CROCC: variants seen among roughly 807,000 people sequenced by gnomAD.
The protein encoded by CROCC is rootletin.
A neutral mutation model predicts 245.2 loss-of-function variants in CROCC; 180 were observed. That is an observed-to-expected ratio of 0.73 (90% CI 0.65 to 0.83). The LOEUF is 0.83. CROCC is among the 40% of genes least tolerant of loss of function. The pLI is 0.00. For missense variants in CROCC, 2,688 were observed against 2,779.4 expected (o/e 0.97, Z 0.74); for synonymous variants, 1,205 against 1,241.6 (o/e 0.97, Z 0.62).
In CROCC at chr1:16,944,050, C is replaced by G. The variant is rs552000602; in HGVS notation, c.1809-50C>G. The G allele has an allele frequency of 3.6e-4, 529 of 1,474,246 alleles. 3 individuals carry two copies. The highest frequency in any genetic ancestry group is 1.3e-3 in the Admixed American group (58 of 44,156). 91.3% of individuals were successfully genotyped at this position (1,474,246 alleles called of 1,614,324 possible). Reference sequence around the variant, plus strand: ...GAGGAGCAGCCAGCCACCTTCCCTGCAGAGAGCAGCCCCAGCATCCCCTCT... The same window carrying G: ...GAGGAGCAGCCAGCCACCTTCCCTGGAGAGAGCAGCCCCAGCATCCCCTCT... On this transcript the variant is annotated intron_variant, in intron 13 of 36. Coordinates refer to ENST00000375541, the MANE Select transcript of CROCC (RefSeq NM_014675.5).
At chr1:16,914,223 A>G (rs576540292) in intron 1 of CROCC, among the ~76,000 whole-genome samples, 31 of 152,092 alleles carry the variant, frequency 2.0e-4, no homozygotes, top group Admixed American at 9.2e-4. Flanking sequence ...GGCGGGCTGG[A>G]GCCACGTACC....
At chr1:16,944,361 T>C in intron 14 of CROCC, 79 bp downstream of exon 14, 1 of 1,399,342 alleles carries the variant, frequency 7.1e-7, no homozygotes, top group Non-Finnish European at 9.5e-7. Context: ...TGGGGTTAGG[T>C]GACACCCACT....
rs1199412837 is a variant in CROCC at position 16,968,210 on chromosome 1, T to C, written c.4868T>C (p.Ile1623Thr). 1 of 1,562,968 alleles carries C rather than the reference T, an allele frequency of 6.4e-7. No homozygotes were observed. The highest frequency in any genetic ancestry group is 1.2e-5 in the South Asian group (1 of 84,780). ...GCCCCATGCCACCTGCAGGAGAAGA[T>C]CAGCAAGATGAAGGCCAATGAGACA... ...ESELRASQEKISKMKANETKL... is the reference protein window; with the variant it reads ...ESELRASQEKTSKMKANETKL... The change falls in exon 31 of 37, where the codon ATC becomes ACC. Residue 1623 changes from isoleucine (I) to threonine (T), a missense_variant. Ile to Thr is a moderately conservative substitution (Grantham distance 89). Around this residue, in one of 9 missense-constraint regions of CROCC, gnomAD observed 1,218 missense variants for 1,286.3 expected, o/e 0.95. Transcript: ENST00000375541.
At chr1:16,961,595 T>C (rs570531072) in intron 27 of CROCC, among the ~76,000 whole-genome samples, 1 of 151,904 alleles carries the variant, frequency 6.6e-6, no homozygotes, top group East Asian at 1.9e-4. Context: ...TTTGGGGAAG[T>C]GGGGTGATTC....
chr1:16,966,101 G>C lies in CROCC; in HGVS notation c.4678G>C (p.Val1560Leu), dbSNP rs539584176. The change falls in exon 29 of 37, where the codon GTG (valine) becomes CTG (leucine). Residue 1560 changes from valine (V) to leucine (L), a missense_variant. Coordinates refer to ENST00000375541, the MANE Select transcript of CROCC (RefSeq NM_014675.5). This position sits in a 1 kb window ranked among gnomAD's most constrained non-coding sequence, Gnocchi z 4.8. Reference protein sequence around the residue: ...TSRARQLQKAVAESEEARRSV... With the variant: ...TSRARQLQKALAESEEARRSV... ...GAGGGCCAGGCAGCTGCAGAAGGCGGTGGCTGAGAGTGAGGAAGGTGAGTC... is the reference window on the plus strand; with the variant it reads ...GAGGGCCAGGCAGCTGCAGAAGGCGCTGGCTGAGAGTGAGGAAGGTGAGTC... 1 of 1,612,506 alleles carries C rather than the reference G, an allele frequency of 6.2e-7. No individual in the cohort carries two copies. The highest frequency in any genetic ancestry group is 2.2e-5 in the East Asian group (1 of 44,820).
chr1:16,922,600 C>T, intron 1 of CROCC, 63 bp from the exon 2 acceptor site: 1 of 1,531,916 alleles, frequency 6.5e-7, no homozygotes, highest in Non-Finnish European at 8.8e-7. Context: ...CTGTGGCTCT[C>T]CCCACGAGGC....
Position 16,930,519 on chromosome 1 carries a change from A to T in CROCC, c.774A>T (p.Arg258=). 1 of 1,612,540 alleles carries T rather than the reference A, an allele frequency of 6.2e-7. No homozygotes were observed. Among genetic ancestry groups the T allele is most frequent in the East Asian group, 2.2e-5 (1 of 44,886 alleles). The change falls in exon 7 of 37, where the codon CGA becomes CGT. Residue 258 remains arginine (R), a synonymous_variant. Transcript: ENST00000375541. The stretch of plus-strand genomic sequence containing the variant: ...ACCAGGCTCTGAGTGAGGACATACG[A>T]AAGGTGACCAATGACTGGACACGCT... The part of the protein sequence containing the change: ...SANQALSEDI[R]KVTNDWTRCR...
At position 16,967,527 on chromosome 1, in the gene CROCC, G is replaced by T. The variant is rs77226181; in HGVS notation, c.4861-676G>T. Among the ~76,000 whole-genome samples, 6 of 152,280 alleles carry T rather than the reference G, an allele frequency of 3.9e-5. No individual in the cohort carries two copies. The East Asian group carries it at 9.6e-4, about 24-fold the overall frequency. ...AACAAAGCTGGGCAGGAGCCAGAGTGGGGGCCCCAGACAGGGCAGGGCTGG... is the reference window on the plus strand; with the variant it reads ...AACAAAGCTGGGCAGGAGCCAGAGTTGGGGCCCCAGACAGGGCAGGGCTGG... On this transcript the variant is annotated intron_variant, in intron 30 of 36. Coordinates refer to ENST00000375541, the MANE Select transcript of CROCC (RefSeq NM_014675.5).
intron 17 of CROCC, among the ~76,000 whole-genome samples, chr1:16,948,002 C>G (rs1209790010): frequency 6.6e-6 from 1 of 152,272 alleles, no homozygotes; most frequent in Non-Finnish European, 1.5e-5. Context: ...CCACGCCCGG[C>G]TAATTTTTGT....
At chr1:16,967,066 AAAAGAAG>A (rs1484476531) in intron 30 of CROCC, among the ~76,000 whole-genome samples, 1 of 152,102 alleles carries the variant, frequency 6.6e-6, no homozygotes, top group Non-Finnish European at 1.5e-5. Context: ...AAAGAAAAAA[AAAAGAAG>A]AAGAAGAAGA....
intron 2 of CROCC, among the ~76,000 whole-genome samples, chr1:16,924,083 C>G (rs1570584428): frequency 6.6e-6 from 1 of 152,404 alleles, no homozygotes; most frequent in East Asian, 1.9e-4. Flanking sequence ...CTGAGTGTCT[C>G]TCCTGCACCT....
intron 27 of CROCC, among the ~76,000 whole-genome samples, chr1:16,961,423 C>T (rs1557635998): frequency 2.0e-5 from 3 of 151,618 alleles, no homozygotes; most frequent in Non-Finnish European, 4.4e-5. Context: ...ACAGGTGTGC[C>T]ACCACGCCCA....
intron 36 of CROCC, among the ~76,000 whole-genome samples, chr1:16,972,049 C>A (rs1436391399): frequency 1.3e-5 from 2 of 152,220 alleles, no homozygotes; most frequent in East Asian, 3.9e-4. Context: ...GTCGGCCGGG[C>A]AAGGCTTCTC....
chr1:16,969,474 G>A (rs2076476339), intron 32 of CROCC, 134 bp downstream of exon 32: 3 of 918,778 alleles, frequency 3.3e-6, no homozygotes, highest in Admixed American at 5.2e-5. Flanking sequence ...AGGCTTTGAA[G>A]GGAGGGCGTG....
chr1:16,929,905 G>T lies in CROCC; in HGVS notation c.411G>T (p.Leu137=). 1 of 1,588,884 alleles carries T rather than the reference G, an allele frequency of 6.3e-7. No individual in the cohort carries two copies. Residue 137 remains leucine, a synonymous_variant, in exon 4 of 37, where the codon CTG becomes CTT. Transcript: ENST00000375541. ...TGGAGACGCAGGAGCCCAGGGGGCT[G>T]GTACGGCAGAGCGTGGAGTTGCGGA... ...GELETQEPRG[L]VRQSVELRRQ...
At chr1:16,919,989 T>C (rs2075369105), upstream of CROCC, among the ~76,000 whole-genome samples, 1 of 152,268 alleles carries the variant, frequency 6.6e-6, no homozygotes, top group Non-Finnish European at 1.5e-5. Context: ...CCTCCTGGGT[T>C]CAAGTGATTC....
intron 25 of CROCC, among the ~76,000 whole-genome samples, chr1:16,957,284 G>A (rs915400117): frequency 2.6e-5 from 4 of 151,988 alleles, no homozygotes; most frequent in African/African-American, 9.7e-5. Context: ...ACACGCTCCT[G>A]GAGTCCCAGC....
At chr1:16,970,106 G>C in intron 33 of CROCC, 147 bp from the exon 34 acceptor site, 1 of 1,189,438 alleles carries the variant, frequency 8.4e-7, no homozygotes, top group Non-Finnish European at 1.1e-6. Context: ...CAGACTGAGA[G>C]AGACAGGTTT....
At chr1:16,943,593 G>C (rs1446431150) in intron 13 of CROCC, among the ~76,000 whole-genome samples, 1 of 152,288 alleles carries the variant, frequency 6.6e-6, no homozygotes, top group Non-Finnish European at 1.5e-5. Context: ...CCTATGGCCA[G>C]TGGGGAACGT....
Sources: gnomAD v4.1 joint callset for allele counts (sites outside exome capture counted in the v4.1 genomes callset) on GRCh38, gnomAD v4.1.1 for gene constraint, gnomAD v4.1.1 regional missense constraint, Gnocchi (gnomAD v3.1) non-coding constraint, MANE v1.5 for transcripts, NCBI Gene and HGNC (gene_info 2026-07-23, HGNC 2026-07-21) for gene names.